DAB2IP: variants seen among roughly 807,000 people sequenced by gnomAD.
DAB2IP encodes DAB2 interacting protein.
DAB2IP carries 28 observed loss-of-function variants against 107.2 expected under a neutral mutation model. That is an observed-to-expected ratio of 0.26 (90% confidence interval 0.19 to 0.36). The LOEUF (loss-of-function observed/expected upper bound fraction) is 0.36. Among genes scored for constraint, DAB2IP ranks in the 10% least tolerant of loss-of-function variants. DAB2IP has a pLI of 1.00. For synonymous variants in DAB2IP, 755 were observed against 706.4 expected (o/e 1.07, Z -1.09); for missense variants, 1,400 against 1,644.7 (o/e 0.85, Z 2.57).
intron 3 of DAB2IP, among the ~76,000 whole-genome samples, chr9:121,756,239 AGAG>A (rs1332627675): frequency 6.6e-6 from 1 of 152,222 alleles, no homozygotes; most frequent in African/African-American, 2.4e-5. Flanking sequence ...AAACAGGCTC[AGAG>A]GAGAACGATT....
intron 3 of DAB2IP, among the ~76,000 whole-genome samples, chr9:121,726,374 G>A (rs982378326): frequency 6.6e-6 from 1 of 152,156 alleles, no homozygotes; most frequent in Non-Finnish European, 1.5e-5. Flanking sequence ...TCTTTTCATT[G>A]GTATCCCTTT....
exon 4 of DAB2IP, chr9:121,757,062 C>T: frequency 6.2e-7 from 1 of 1,614,220 alleles, no homozygotes; most frequent in Non-Finnish European, 8.5e-7. Context: ...CGAGTCCCTG[C>T]TCAGCCCCAG....
At chr9:121,781,776 C>T (rs538897556) in intron 15 of DAB2IP, among the ~76,000 whole-genome samples, 4 of 151,754 alleles carry the variant, frequency 2.6e-5, no homozygotes, top group Non-Finnish European at 4.4e-5. Flanking sequence ...GGGCTCTTGG[C>T]GGGCATTGTC....
At chr9:121,727,917 C>A (rs1286750943) in intron 3 of DAB2IP, among the ~76,000 whole-genome samples, 1 of 152,158 alleles carries the variant, frequency 6.6e-6, no homozygotes, top group Non-Finnish European at 1.5e-5. Context: ...CCTGAGCCAC[C>A]ACCCATCATC....
chr9:121,667,789 C>T (rs577304818), intron 1 of DAB2IP, among the ~76,000 whole-genome samples: 3 of 152,288 alleles, frequency 2.0e-5, no homozygotes, highest in South Asian at 4.1e-4. Flanking sequence ...TGAGCCACCA[C>T]GCCCAGCCAG....
rs1835696854 is a variant in DAB2IP at position 121,782,055 on chromosome 9, GCA to G, written c.3403-269_3403-268del. Among the ~76,000 whole-genome samples, 1 of 152,148 alleles carries G rather than the reference GCA, an allele frequency of 6.6e-6. No homozygotes were observed. Among genetic ancestry groups the G allele is most frequent in the African/African-American group, 2.4e-5 (1 of 41,428 alleles). Reference sequence around the variant, plus strand: ...GGAGCTGTGACCTCTGGTGTGTCATGCACACACATGTGAGCAAGGGTGCCTGC... The same window carrying G: ...GGAGCTGTGACCTCTGGTGTGTCATGCACACATGTGAGCAAGGGTGCCTGC... On this transcript the variant is annotated intron_variant, in intron 15 of 15. Coordinates refer to ENST00000408936, the Ensembl canonical transcript of DAB2IP. This position sits in a 1 kb window ranked among gnomAD's most constrained non-coding sequence, Gnocchi z 6.1.
At chr9:121,753,997 TA>T (rs1190871261) in intron 3 of DAB2IP, among the ~76,000 whole-genome samples, 2 of 151,968 alleles carry the variant, frequency 1.3e-5, no homozygotes, top group Non-Finnish European at 2.9e-5. Flanking sequence ...GAAGCCAGGG[TA>T]GGGGAGAAGC....
At chr9:121,621,827 G>A (rs1025390563) in intron 1 of DAB2IP, among the ~76,000 whole-genome samples, 3 of 105,376 alleles carry the variant, frequency 2.8e-5, no homozygotes, top group Admixed American at 2.0e-4. Context: ...TTTTTTTTTC[G>A]TATTTTTAGT....
At chr9:121,680,241 TTTCCCCAGGGCC>T (rs1255773845) in intron 2 of DAB2IP, among the ~76,000 whole-genome samples, 1 of 152,190 alleles carries the variant, frequency 6.6e-6, no homozygotes, top group Non-Finnish European at 1.5e-5. Flanking sequence ...GGGATGGGGC[TTTCCCCAGGGCC>T]ACTGATTCTC....
chr9:121,674,078 T>G (rs1488324430), intron 1 of DAB2IP, among the ~76,000 whole-genome samples: 1 of 152,180 alleles, frequency 6.6e-6, no homozygotes, highest in Non-Finnish European at 1.5e-5. Context: ...CAGCGGGGGC[T>G]GCTTCCCTGA....
At chr9:121,650,291 C>A (rs958005018), upstream of DAB2IP, among the ~76,000 whole-genome samples, 15 of 152,212 alleles carry the variant, frequency 9.9e-5, no homozygotes, top group African/African-American at 3.6e-4. Flanking sequence ...CTGCCCCTCC[C>A]CCCTGGTCAG....
At chr9:121,673,144 C>G (rs2119121632) in intron 1 of DAB2IP, among the ~76,000 whole-genome samples, 1 of 152,268 alleles carries the variant, frequency 6.6e-6, no homozygotes, top group South Asian at 2.1e-4. Context: ...GAAATCAGCT[C>G]AGAGAGAGAA....
intron 1 of DAB2IP, among the ~76,000 whole-genome samples, chr9:121,628,265 C>A (rs771166253): frequency 6.6e-6 from 1 of 152,182 alleles, no homozygotes. Context: ...TCCTAGCCCC[C>A]CTTAGTCATC....
At chr9:121,671,763 G>A (rs1833692674) in intron 1 of DAB2IP, among the ~76,000 whole-genome samples, 1 of 152,174 alleles carries the variant, frequency 6.6e-6, no homozygotes, top group Non-Finnish European at 1.5e-5. Context: ...GTGCCATTGT[G>A]TTCCATGTGA....
rs532049608 is a variant in DAB2IP, at chr9:121,584,049, C to T, written c.40+16821C>T. ...AAAAATAGCCAGGCGTGGTGGTGCA[C>T]GCCTGTAATCCCAGCTACTCGGGAG... On this transcript the variant is annotated intron_variant, in intron 1 of 16. Transcript: ENST00000259371. 7.7e-4 allele frequency among the ~76,000 whole-genome samples: 117 copies of T among 151,994 alleles called. 1 individual carries two copies. The highest frequency in any genetic ancestry group is 2.5e-3 in the African/African-American group (104 of 41,460).
chr9:121,768,406 T>C, intron 9 of DAB2IP, 26 bp from the exon 10 acceptor site: 1 of 1,612,974 alleles, frequency 6.2e-7, no homozygotes, highest in Non-Finnish European at 8.5e-7. Flanking sequence ...GGCCCAGTAG[T>C]GCTCACCCAA....
rs1376183174 is a variant in DAB2IP at position 121,776,176 on chromosome 9, G to T, written c.3121-22G>T. On this transcript the variant is annotated intron_variant, in intron 13 of 15. Transcript: ENST00000408936. This position sits in a 1 kb window ranked among gnomAD's most constrained non-coding sequence, Gnocchi z 5.4. Reference sequence around the variant, plus strand: ...TCTCTGTGTCCTGGGTGCTGTGCCCGTGGACGCTGCCCTCCTGGTAGGACC... The same window carrying T: ...TCTCTGTGTCCTGGGTGCTGTGCCCTTGGACGCTGCCCTCCTGGTAGGACC... 3.8e-6 allele frequency: 6 copies of T among 1,559,802 alleles called. No homozygotes were observed. Among genetic ancestry groups the T allele is most frequent in the East Asian group, 2.4e-5 (1 of 41,908 alleles).
chr9:121,740,702 T>C (rs1430142875), intron 3 of DAB2IP, among the ~76,000 whole-genome samples: 1 of 152,214 alleles, frequency 6.6e-6, no homozygotes, highest in Non-Finnish European at 1.5e-5. Context: ...GATAACATAA[T>C]GTCTGCTAGA....
chr9:121,783,051 G>T, exon 16 of DAB2IP: 1 of 1,032,778 alleles, frequency 9.7e-7, no homozygotes, highest in Non-Finnish European at 1.2e-6. Flanking sequence ...TCCCCTGCCT[G>T]TCTCCATCCG....
Sources: allele counts gnomAD v4.1 joint callset (sites outside exome capture counted in the v4.1 genomes callset), GRCh38; gene constraint gnomAD v4.1.1; non-coding constraint Gnocchi (gnomAD v3.1); transcripts MANE v1.5; gene names NCBI Gene and HGNC (gene_info 2026-07-23, HGNC 2026-07-21).